SNTG2: variants seen among roughly 807,000 people sequenced by gnomAD.
SNTG2 encodes syntrophin gamma 2, also known as gamma-2-syntrophin.
In SNTG2, 74 loss-of-function variants were observed where a neutral mutation model predicts 70.9. That is an observed-to-expected ratio of 1.04 (90% CI 0.86 to 1.27). The LOEUF (loss-of-function observed/expected upper bound fraction) is 1.27. SNTG2 is among the 50% of genes most tolerant of loss of function. SNTG2 has a pLI of 0.00. For synonymous variants in SNTG2, 278 were observed against 273.8 expected (o/e 1.02, Z -0.15); for missense variants, 717 against 690.7 (o/e 1.04, Z -0.43).
chr2:1,092,619 G>A (rs1665106601), intron 2 of SNTG2, among the ~76,000 whole-genome samples: 1 of 152,226 alleles, frequency 6.6e-6, no homozygotes, highest in South Asian at 2.1e-4. Context: ...AATATCTGAA[G>A]TAGAATTGTG....
intron 14 of SNTG2, among the ~76,000 whole-genome samples, chr2:1,287,976 G>A (rs960028474): frequency 9.4e-5 from 5 of 53,308 alleles, no homozygotes; most frequent in African/African-American, 4.0e-4. Context: ...CCTGGGGCGA[G>A]CCCAGCTTCC....
chr2:1,259,482 G>C lies in SNTG2; in HGVS notation c.1077+41G>C, dbSNP rs760121656. 2.0e-6 allele frequency: 3 copies of C among 1,522,148 alleles called. No homozygotes were observed. In the South Asian group the frequency reaches 3.4e-5, roughly 17 times the overall value. 94.3% of individuals were successfully genotyped at this position (1,522,148 alleles called of 1,614,324 possible). A position where few individuals can be genotyped will look rare whatever the true frequency, so the allele number is the denominator to read the frequency against. On this transcript the variant is annotated intron_variant, in intron 13 of 16. Coordinates refer to ENST00000308624, the MANE Select transcript of SNTG2 (RefSeq NM_018968.4). ...ACTTCAGATGCTTTCATACAAATAAGATGCCCTTTGGGCTTGCAGAATGAG... is the reference window on the plus strand; with the variant it reads ...ACTTCAGATGCTTTCATACAAATAACATGCCCTTTGGGCTTGCAGAATGAG...
intron 6 of SNTG2, among the ~76,000 whole-genome samples, chr2:1,162,064 T>A (rs1316821086): frequency 2.7e-5 from 2 of 73,070 alleles, no homozygotes; most frequent in South Asian, 6.9e-4. Context: ...ACAGTGAGAC[T>A]CCGTCTCAAA....
chr2:1,367,409 G>T lies in SNTG2; in HGVS notation c.1555G>T (p.Ala519Ser). Reference protein sequence around the residue: ...CIHSFIAAKVASVDPGFMDSQ... With the variant: ...CIHSFIAAKVSSVDPGFMDSQ... ...CCACTCCTTCATAGCAGCCAAGGTG[G>T]CCTCCGTGGACCCCGGCTTCATGGA... The change falls in exon 17 of 17, where the codon GCC becomes TCC. Residue 519 changes from alanine to serine, a missense_variant. By Grantham distance (99) the Ala-to-Ser change is moderately conservative. Coordinates refer to ENST00000308624, the MANE Select transcript of SNTG2 (RefSeq NM_018968.4). 6.4e-7 allele frequency: 1 copy of T among 1,551,702 alleles called. No homozygotes were observed. Among genetic ancestry groups the T allele is most frequent in the African/African-American group, 1.4e-5 (1 of 73,146 alleles).
intron 9 of SNTG2, 29 bp from the exon 10 acceptor site, chr2:1,237,859 G>A (rs1186796627): frequency 3.2e-6 from 5 of 1,580,782 alleles, no homozygotes; most frequent in Non-Finnish European, 3.4e-6. Flanking sequence ...TCGCTGCGGG[G>A]CCTCCTGGAC....
chr2:1,183,401 A>G (rs1672046954), intron 8 of SNTG2, among the ~76,000 whole-genome samples: 1 of 152,126 alleles, frequency 6.6e-6, no homozygotes. Flanking sequence ...TGATACGTGT[A>G]TGTCCTTACC....
intron 1 of SNTG2, among the ~76,000 whole-genome samples, chr2:966,994 A>G (rs1448936089): frequency 2.0e-5 from 3 of 152,190 alleles, no homozygotes; most frequent in African/African-American, 2.4e-5. Context: ...TTTAATGGCT[A>G]TATTTTTAAT....
At chr2:1,225,083 C>G (rs1042116969) in intron 9 of SNTG2, among the ~76,000 whole-genome samples, 1 of 152,142 alleles carries the variant, frequency 6.6e-6, no homozygotes, top group South Asian at 2.1e-4. Context: ...TTATAAAGCT[C>G]ACTTGTGTAT....
intron 1 of SNTG2, among the ~76,000 whole-genome samples, chr2:999,318 A>C (rs1279113496): frequency 6.6e-6 from 1 of 152,110 alleles, no homozygotes; most frequent in East Asian, 1.9e-4. Flanking sequence ...AATGGATGAC[A>C]TGTTTCACTT....
chr2:972,484 G>GA (rs1167329957), intron 1 of SNTG2, among the ~76,000 whole-genome samples: 4 of 152,088 alleles, frequency 2.6e-5, no homozygotes, highest in Non-Finnish European at 4.4e-5. Flanking sequence ...CAAGCAAACA[G>GA]AAAAAACAGC....
intron 14 of SNTG2, among the ~76,000 whole-genome samples, chr2:1,273,635 TTA>T (rs34553294): frequency 0.18 from 26,334 of 147,872 alleles, 2,798 homozygotes; most frequent in East Asian, 0.32. Context: ...TACATAAATA[TTA>T]TATATATATA....
chr2:1,099,148 G>A (rs558844054), intron 4 of SNTG2, among the ~76,000 whole-genome samples: 48 of 152,288 alleles, frequency 3.2e-4, no homozygotes, highest in African/African-American at 1.2e-3. Context: ...CTCCCACCTG[G>A]TCCAGCAGCT....
intron 4 of SNTG2, among the ~76,000 whole-genome samples, chr2:1,115,224 C>T (rs1375830824): frequency 6.7e-6 from 1 of 148,218 alleles, no homozygotes; most frequent in African/African-American, 2.5e-5. Context: ...ATGTTTAACC[C>T]CTATAGTTCT....
intron 3 of SNTG2, 28 bp downstream of exon 3, chr2:1,098,280 C>T (rs372435427): frequency 7.4e-6 from 12 of 1,613,656 alleles, no homozygotes; most frequent in South Asian, 1.1e-5. Context: ...TCTATTCCTG[C>T]TTTTTATTTT....
intron 6 of SNTG2, among the ~76,000 whole-genome samples, chr2:1,140,903 CT>C (rs1415492281): frequency 6.6e-6 from 1 of 152,298 alleles, no homozygotes; most frequent in East Asian, 1.9e-4. Context: ...TAAATTAGTC[CT>C]TTTAAAAAAC....
chr2:1,291,055 G>A (rs1314639741), intron 14 of SNTG2, among the ~76,000 whole-genome samples: 4 of 152,194 alleles, frequency 2.6e-5, no homozygotes. Flanking sequence ...ATCCTAGCAG[G>A]TGTGAGGTGG....
intron 6 of SNTG2, chr2:1,161,737 TA>T (rs1429542642): frequency 6.6e-6 from 1 of 152,172 alleles, no homozygotes; most frequent in Non-Finnish European, 1.5e-5. Context: ...CATTTGGGAT[TA>T]AAAAATAATA....
chr2:1,182,360 C>CAAAA (rs10587246), intron 8 of SNTG2, among the ~76,000 whole-genome samples: 47 of 122,052 alleles, frequency 3.9e-4, no homozygotes, highest in African/African-American at 1.2e-3. Context: ...TTAAAAATTT[C>CAAAA]AAAAAAAAAA....
At chr2:1,020,448 G>C (rs944246267) in intron 1 of SNTG2, among the ~76,000 whole-genome samples, 8 of 152,166 alleles carry the variant, frequency 5.3e-5, no homozygotes, top group Non-Finnish European at 8.8e-5. Flanking sequence ...TCTGCAGAAG[G>C]ACTTATTTTT....
Sources: allele counts gnomAD v4.1 joint callset (sites outside exome capture counted in the v4.1 genomes callset), GRCh38; gene constraint gnomAD v4.1.1; transcripts MANE v1.5; gene names NCBI Gene and HGNC (gene_info 2026-07-23, HGNC 2026-07-21).